CLIP3: variants seen among roughly 807,000 people sequenced by gnomAD.
CLIP3 encodes the protein CAP-Gly domain-containing linker protein 3.
CLIP3 carries 15 observed loss-of-function variants against 59.4 expected under a neutral mutation model. The observed-to-expected ratio is 0.25, with a 90% CI of 0.17 to 0.39. CLIP3 has a LOEUF of 0.39. CLIP3 is among the 10% of genes least tolerant of loss of function. The pLI, the probability that CLIP3 is intolerant of heterozygous loss-of-function variation, is 1.00. For missense variants in CLIP3, 495 were observed against 765.7 expected, an observed-to-expected ratio of 0.65 and a Z score of 4.17; for synonymous variants, 300 against 321.6, an observed-to-expected ratio of 0.93 and a Z score of 0.72.
chr19:36,027,224 A>G lies in CLIP3; in HGVS notation c.214T>C (p.Phe72Leu), dbSNP rs1969138053. 6.2e-7 allele frequency: 1 copy of G among 1,613,382 alleles called. No individual in the cohort carries two copies. Among genetic ancestry groups the G allele is most frequent in the Non-Finnish European group, 8.5e-7 (1 of 1,179,752 alleles). Residue 72 changes from phenylalanine to leucine, a missense_variant, in exon 3 of 14, where the codon TTT becomes CTT. This residue lies in a region of CLIP3 where 90 missense variants were observed against 105.2 expected (regional missense o/e 0.86). Coordinates refer to ENST00000360535, the MANE Select transcript of CLIP3 (RefSeq NM_015526.3). ...TCGGGGATGGTGGTCTGAGGGTCAA[A>G]CAGGATCTCCTGGCACGCCGGGTCA... ...PNDPACQEIL[F>L]DPQTTIPELF...
chr19:36,024,717 C>A, intron 6 of CLIP3, 85 bp from the exon 7 acceptor site: 1 of 1,303,142 alleles, frequency 7.7e-7, no homozygotes, highest in Non-Finnish European at 1.1e-6. Flanking sequence ...GACCACCAGT[C>A]TGGGTGATGC....
At chr19:36,018,317 G>C (rs1968855321) in intron 9 of CLIP3, among the ~76,000 whole-genome samples, 1 of 152,162 alleles carries the variant, frequency 6.6e-6, no homozygotes, top group Non-Finnish European at 1.5e-5. Context: ...AGTGGCGCAG[G>C]CCTGTAATCC....
At chr19:36,031,008 C>CTTTTTTTTTTTTTTTCTTTTTTTTTT (rs374690845) in intron 2 of CLIP3, among the ~76,000 whole-genome samples, 2 of 77,838 alleles carry the variant, frequency 2.6e-5, no homozygotes, top group Admixed American at 1.7e-4. Context: ...TTTTTCTTTT[C>CTTTTTTTTTTTTTTTCTTTTTTTTTT]TTTTTTTTTT....
rs1226772292 is a variant in CLIP3 at position 36,018,902 on chromosome 19, G to A, written c.1179C>T (p.His393=). The part of the protein sequence containing the change: ...SRVTGKGRRE[H]KGKKKTPSSP... ...CACAGGGATCCCCTCTCTGACCTTTGTGTTCCCTGCGGCCTTTGCCGGTGA... is the reference window on the plus strand; with the variant it reads ...CACAGGGATCCCCTCTCTGACCTTTATGTTCCCTGCGGCCTTTGCCGGTGA... The change falls in exon 9 of 14, where the codon CAC becomes CAT. Residue 393 remains histidine (H), a synonymous_variant. Coordinates refer to ENST00000360535, the MANE Select transcript of CLIP3 (RefSeq NM_015526.3). 6 of 1,613,374 alleles carry A rather than the reference G, an allele frequency of 3.7e-6. 1 individual carries two copies. In the South Asian group the frequency reaches 6.6e-5, roughly 18 times the overall value.
intron 7 of CLIP3, 156 bp downstream of exon 7, chr19:36,024,240 G>A: frequency 1.5e-6 from 1 of 647,180 alleles, no homozygotes; most frequent in Admixed American, 2.8e-5. Context: ...GACACCCACG[G>A]AACAACTGAG....
chr19:36,032,131 G>A lies in CLIP3; in HGVS notation c.166+61C>T. On this transcript the variant is annotated intron_variant, in intron 2 of 13. Coordinates refer to ENST00000360535, the MANE Select transcript of CLIP3 (RefSeq NM_015526.3). The surrounding 1 kb of genome is among the most constrained non-coding windows in gnomAD (Gnocchi z 4.3). ...CCACCATCACCACCAGCAGAGCACA[G>A]CCCACCCTCCCCGGCCACCCAACGC... 1.0e-6 allele frequency: 1 copy of A among 968,384 alleles called. No homozygotes were observed. The highest frequency in any genetic ancestry group is 1.4e-6 in the Non-Finnish European group (1 of 732,176). 60.0% of individuals were successfully genotyped at this position (968,384 alleles called of 1,614,324 possible).
In CLIP3 at chr19:36,017,050, C is replaced by G. The variant is rs1968816563; in HGVS notation, c.1517-71G>C. The G allele has an allele frequency of 3.3e-6, 5 of 1,494,564 alleles. No homozygotes were observed. The African/African-American group carries it at 4.2e-5, about 12-fold the overall frequency. The allele number at this position is 1,494,564 out of a possible 1,614,324, so 92.6% of individuals were successfully genotyped here. A position where few individuals can be genotyped will look rare whatever the true frequency, so the allele number is the denominator to read the frequency against. ...TGTGTCCTCAATACCCATCCAGACC[C>G]CTTCTCATTAATACCTCCCCATGTC... is the stretch of plus-strand genomic sequence containing the variant. On this transcript the variant is annotated intron_variant, in intron 12 of 13. Coordinates refer to ENST00000360535, the MANE Select transcript of CLIP3 (RefSeq NM_015526.3).
chr19:36,031,002 TC>T (rs1327971050), intron 2 of CLIP3, among the ~76,000 whole-genome samples: 1,664 of 101,338 alleles, frequency 0.016, 53 homozygotes, highest in African/African-American at 0.075. Flanking sequence ...TTTCTTTTTT[TC>T]TTTTCTTTTT....
At position 36,014,749 on chromosome 19, in the gene CLIP3, G is replaced by C. The variant is rs1357461690; in HGVS notation, c.*1409C>G. 1.2e-5 allele frequency: 2 copies of C among 165,548 alleles called. No individual in the cohort carries two copies. The highest frequency in any genetic ancestry group is 4.8e-5 in the African/African-American group (2 of 41,546). 10.3% of individuals were successfully genotyped at this position (165,548 alleles called of 1,614,324 possible). A position where few individuals can be genotyped will look rare whatever the true frequency, so the allele number is the denominator to read the frequency against. ...GGGGCAGTCGTGAGCTGTCCTTGGT[G>C]GTCGGGGCCCCAGGTCCGCCCTGGA... On this transcript the variant is annotated 3_prime_UTR_variant, in exon 14 of 14. Transcript: ENST00000360535.
Position 36,026,274 on chromosome 19 carries a change from G to T in CLIP3, c.563-9C>A, listed in dbSNP as rs367819294. ...GCACGTGGAGTTCACCACTGGAAGT[G>T]GGCAAGAGGAGGGGTTCCGGGTGAG... On this transcript the variant is annotated splice_polypyrimidine_tract_variant and intron_variant, in intron 5 of 13. Coordinates refer to ENST00000360535, the MANE Select transcript of CLIP3 (RefSeq NM_015526.3). This position sits in a 1 kb window ranked among gnomAD's most constrained non-coding sequence, Gnocchi z 6.3. 1.9e-6 allele frequency: 3 copies of T among 1,607,032 alleles called. No individual in the cohort carries two copies. Among genetic ancestry groups the T allele is most frequent in the Non-Finnish European group, 2.6e-6 (3 of 1,174,760 alleles).
chr19:36,031,024 T>TTTTTTTTTTTTTTTTTTTTTTTTTTTTC (rs1969251111), intron 2 of CLIP3, among the ~76,000 whole-genome samples: 5 of 73,582 alleles, frequency 6.8e-5, no homozygotes, highest in East Asian at 3.7e-4. Flanking sequence ...TTTTTTTTTC[T>TTTTTTTTTTTTTTTTTTTTTTTTTTTTC]TTTTTTTTTT....
chr19:36,018,983 T>A lies in CLIP3; in HGVS notation c.1098A>T (p.Ala366=). Residue 366 remains alanine, a synonymous_variant, in exon 9 of 14, where the codon GCA becomes GCT. Transcript: ENST00000360535. Reference sequence around the variant, plus strand: ...GTGTGGAGGTGACAGAGGAGGGGGGTGCGTCCACTGCCTTGGAGATCTTGG... The same window carrying A: ...GTGTGGAGGTGACAGAGGAGGGGGGAGCGTCCACTGCCTTGGAGATCTTGG... ...SVSKISKAVD[A]PPSSVTSTPR... The A allele has an allele frequency of 6.2e-7, 1 of 1,600,910 alleles. No individual in the cohort carries two copies. The highest frequency in any genetic ancestry group is 8.5e-7 in the Non-Finnish European group (1 of 1,173,926).
rs1969035384 is a variant in CLIP3 at position 36,024,332 on chromosome 19, C to T, written c.918+64G>A. ...TGCACTCTGCCCGAGGACGCAGCTC[C>T]AAGGGATTAAGGGGCTGAGTCCCAC... On this transcript the variant is annotated intron_variant, in intron 7 of 13. Transcript: ENST00000360535. The T allele has an allele frequency of 1.0e-4, 146 of 1,446,854 alleles. 3 individuals are homozygous for T. In the South Asian group the frequency reaches 1.4e-3, roughly 14 times the overall value. 89.6% of individuals were successfully genotyped at this position (1,446,854 alleles called of 1,614,324 possible). A position where few individuals can be genotyped will look rare whatever the true frequency, so the allele number is the denominator to read the frequency against.
At chr19:36,028,162 AC>A (rs1372689715) in intron 2 of CLIP3, among the ~76,000 whole-genome samples, 17 of 151,310 alleles carry the variant, frequency 1.1e-4, no homozygotes, top group African/African-American at 3.6e-4. Context: ...ACGTGGTGAA[AC>A]CCTGACTCTA....
chr19:36,027,721 A>G (rs1003005515), intron 2 of CLIP3, among the ~76,000 whole-genome samples: 3 of 152,230 alleles, frequency 2.0e-5, no homozygotes, highest in Non-Finnish European at 4.4e-5. Flanking sequence ...AATTGTTTCA[A>G]ATACCATGCA....
chr19:36,022,185 G>A (rs1968969930), intron 7 of CLIP3, among the ~76,000 whole-genome samples: 1 of 152,038 alleles, frequency 6.6e-6, no homozygotes, highest in African/African-American at 2.4e-5. Flanking sequence ...CCGACAATTA[G>A]TGCTGATCTT....
intron 2 of CLIP3, among the ~76,000 whole-genome samples, chr19:36,029,760 T>C (rs1969209453): frequency 6.6e-6 from 1 of 152,142 alleles, no homozygotes; most frequent in Non-Finnish European, 1.5e-5. Flanking sequence ...TGGCACACAG[T>C]AGGTGCTCAG....
rs1568546051 is a variant in CLIP3 at position 36,032,311 on chromosome 19, TCTC to T, written c.44_46del (p.Gly15del). On this transcript the variant is annotated inframe_deletion, in exon 2 of 14. Coordinates refer to ENST00000360535, the MANE Select transcript of CLIP3 (RefSeq NM_015526.3). The surrounding 1 kb of genome is among the most constrained non-coding windows in gnomAD (Gnocchi z 4.3). Reference sequence around the variant, plus strand: ...ATCCTCCTCCTCCTCTTCTTCCTCCTCTCCTCGGGGTGGCGGGGCCATCGGGGC... The same window carrying T: ...ATCCTCCTCCTCCTCTTCTTCCTCCTCTCGGGGTGGCGGGGCCATCGGGGC... 3.9e-6 allele frequency: 5 copies of T among 1,279,558 alleles called. No homozygotes were observed. Among genetic ancestry groups the T allele is most frequent in the Admixed American group, 4.0e-5 (1 of 24,928 alleles). The allele number at this position is 1,279,558 out of a possible 1,614,324, so 79.3% of individuals were successfully genotyped here.
chr19:36,028,957 A>G (rs1246521568), intron 2 of CLIP3, among the ~76,000 whole-genome samples: 1 of 128,624 alleles, frequency 7.8e-6, no homozygotes, highest in Non-Finnish European at 1.6e-5. Context: ...CCCAAACCAC[A>G]CTGTCTAAAT....
Sources: gnomAD v4.1 joint callset for allele counts (sites outside exome capture counted in the v4.1 genomes callset) on GRCh38, gnomAD v4.1.1 for gene constraint, gnomAD v4.1.1 regional missense constraint, Gnocchi (gnomAD v3.1) non-coding constraint, MANE v1.5 for transcripts, NCBI Gene and HGNC (gene_info 2026-07-23, HGNC 2026-07-21) for gene names.